Variants in SLTM observed in about 807,000 individuals in gnomAD.
SLTM encodes the protein SAFB-like transcription modulator.
SLTM carries 43 observed loss-of-function variants against 134.6 expected under a neutral mutation model. The observed-to-expected ratio is 0.32, with a 90% CI of 0.25 to 0.41. The LOEUF (loss-of-function observed/expected upper bound fraction) is 0.41. SLTM is among the 10% of genes least tolerant of loss of function. The pLI, the probability that SLTM is intolerant of heterozygous loss-of-function variation, is 1.00. For missense variants in SLTM, 1,055 were observed against 1,288.8 expected, an observed-to-expected ratio of 0.82 and a Z score of 2.78; for synonymous variants, 424 against 432.3, an observed-to-expected ratio of 0.98 and a Z score of 0.24.
intron 1 of SLTM, 72 bp downstream of exon 1, chr15:58,933,332 G>C: frequency 6.8e-7 from 1 of 1,466,172 alleles, no homozygotes; most frequent in Non-Finnish European, 9.1e-7. Context: ...CGGAGGCTGC[G>C]GCGGAAGCGG....
chr15:58,920,595 C>A (rs2036960667), intron 2 of SLTM, among the ~76,000 whole-genome samples: 1 of 150,046 alleles, frequency 6.7e-6, no homozygotes, highest in Non-Finnish European at 1.5e-5. Context: ...AGCACTCCAG[C>A]CTGGGCAATG....
chr15:58,894,703 ATGTTTTTTTTTTTTTTTTTGAG>A, intron 9 of SLTM, 121 bp from the exon 10 acceptor site: 1 of 678,760 alleles, frequency 1.5e-6, no homozygotes, highest in African/African-American at 2.0e-5. Flanking sequence ...ATTCTGTCTC[ATGTTTTTTTTTTTTTTTTTGAG>A]ATGGAGTCAC....
chr15:58,924,823 A>C (rs2037345668), intron 2 of SLTM, among the ~76,000 whole-genome samples: 1 of 152,110 alleles, frequency 6.6e-6, no homozygotes, highest in African/African-American at 2.4e-5. Flanking sequence ...CCACTTAATA[A>C]TTAGTTTCTT....
intron 19 of SLTM, among the ~76,000 whole-genome samples, chr15:58,885,566 G>A (rs1299174121): frequency 1.3e-5 from 2 of 152,024 alleles, no homozygotes; most frequent in Non-Finnish European, 2.9e-5. Context: ...AGACAGAGGT[G>A]GATGGTCGGA....
chr15:58,918,736 T>C (rs11071401), intron 2 of SLTM, among the ~76,000 whole-genome samples: 30,979 of 152,116 alleles, frequency 0.2, 3,483 homozygotes, highest in South Asian at 0.43. Flanking sequence ...AATTTTATAA[T>C]TACTGTCATC....
chr15:58,912,973 T>C (rs1331051447), intron 4 of SLTM, among the ~76,000 whole-genome samples: 8 of 152,214 alleles, frequency 5.3e-5, no homozygotes, highest in Non-Finnish European at 1.2e-4. Context: ...TTTGAAATAT[T>C]ATCTGCTTTA....
chr15:58,919,279 T>A (rs1190702477), intron 2 of SLTM, among the ~76,000 whole-genome samples: 1 of 152,162 alleles, frequency 6.6e-6, no homozygotes, highest in Non-Finnish European at 1.5e-5. Flanking sequence ...GGCTACTTTT[T>A]GGGAGAAAAA....
chr15:58,928,190 T>C (rs1330971030), intron 2 of SLTM, among the ~76,000 whole-genome samples: 3 of 152,228 alleles, frequency 2.0e-5, no homozygotes, highest in African/African-American at 7.2e-5. Context: ...TCACTTTTGC[T>C]GAAGTTAATT....
chr15:58,904,715 T>C (rs1405022538), intron 5 of SLTM, among the ~76,000 whole-genome samples: 2 of 151,608 alleles, frequency 1.3e-5, no homozygotes, highest in African/African-American at 2.4e-5. Flanking sequence ...TTGTCTGTTT[T>C]GTTTCGTTTT....
intron 2 of SLTM, among the ~76,000 whole-genome samples, chr15:58,926,733 G>A (rs2037497877): frequency 6.6e-6 from 1 of 151,530 alleles, no homozygotes; most frequent in African/African-American, 2.4e-5. Context: ...TCCTGCCTGA[G>A]CCTCCAGAGT....
Position 58,887,500 on chromosome 15 carries a change from G to A in SLTM, c.2416C>T (p.Arg806Ter). 1 of 1,613,290 alleles carries A rather than the reference G, an allele frequency of 6.2e-7. No homozygotes were observed. The highest frequency in any genetic ancestry group is 8.5e-7 in the Non-Finnish European group (1 of 1,179,732). Residue 806 changes from arginine (R) to a stop codon, truncating the protein, a stop_gained, in exon 18 of 21, where the codon CGA becomes TGA. Transcript: ENST00000380516. LOFTEE classifies it high-confidence loss of function. ...FVGQSEGKKA[R>*]PTARREDPSF... The stretch of plus-strand genomic sequence containing the variant: ...GGATCTTCCCTTCGTGCAGTAGGTC[G>A]TGCTTTTTTCCCCTCACTTTGACCA...
intron 19 of SLTM, 149 bp downstream of exon 19, chr15:58,886,826 T>A: frequency 1.0e-6 from 1 of 972,202 alleles, no homozygotes; most frequent in East Asian, 2.7e-5. Context: ...ATTCAGATTT[T>A]AAAAATTTAA....
rs1483548575 is a variant in SLTM, at chr15:58,933,401, C to G, written c.162+3G>C. ...GTCCTTTCCGGTCCTCGCCGGGCCTCACCTGCTTGAGTCGGGAGATGAGCA... is the reference window on the plus strand; with the variant it reads ...GTCCTTTCCGGTCCTCGCCGGGCCTGACCTGCTTGAGTCGGGAGATGAGCA... On this transcript the variant is annotated splice_donor_region_variant and intron_variant, in intron 1 of 20. Coordinates refer to ENST00000380516, the MANE Select transcript of SLTM (RefSeq NM_024755.4). 4.4e-6 allele frequency: 7 copies of G among 1,577,726 alleles called. No homozygotes were observed. The highest frequency in any genetic ancestry group is 6.0e-6 in the Non-Finnish European group (7 of 1,162,220).
At chr15:58,883,349 ATT>A (rs754105444) in intron 20 of SLTM, 18 of 318,692 alleles carry the variant, frequency 5.6e-5, no homozygotes, top group Non-Finnish European at 8.3e-5. Flanking sequence ...AAAAGAATTC[ATT>A]GTTTACTGGA....
At chr15:58,917,966 C>A (rs557257919) in intron 2 of SLTM, among the ~76,000 whole-genome samples, 1 of 152,026 alleles carries the variant, frequency 6.6e-6, no homozygotes, top group East Asian at 1.9e-4. Flanking sequence ...GTTGGCCAGG[C>A]TGGTTTCGAA....
intron 2 of SLTM, among the ~76,000 whole-genome samples, chr15:58,929,033 CCA>C (rs1374877157): frequency 1.3e-5 from 2 of 152,122 alleles, no homozygotes; most frequent in African/African-American, 4.8e-5. Context: ...AGTAAAATTT[CCA>C]GTTTTACAAA....
chr15:58,883,898 G>A, intron 19 of SLTM, 112 bp from the exon 20 acceptor site: 1 of 1,171,124 alleles, frequency 8.5e-7, no homozygotes, highest in Non-Finnish European at 1.2e-6. Context: ...AGGAGTTCGA[G>A]ACCAGCCTGG....
Position 58,899,535 on chromosome 15 carries a change from C to T in SLTM, c.992G>A (p.Gly331Glu). 6.2e-7 allele frequency: 1 copy of T among 1,614,118 alleles called. No individual in the cohort carries two copies. The highest frequency in any genetic ancestry group is 8.5e-7 in the Non-Finnish European group (1 of 1,179,974). ...ARESSKKAES[G>E]DKEKDTLKKG... The stretch of plus-strand genomic sequence containing the variant: ...CTTCAAAGTATCCTTTTCTTTGTCT[C>T]CAGATTCTGCTTTCTTAGAACTTTC... Residue 331 changes from glycine to glutamate, a missense_variant, in exon 7 of 21, where the codon GGA (glycine) becomes GAA (glutamate). Transcript: ENST00000380516. This position sits in a 1 kb window ranked among gnomAD's most constrained non-coding sequence, Gnocchi z 5.0.
At chr15:58,887,157 T>C in intron 18 of SLTM, 38 bp from the exon 19 acceptor site, 18 of 1,612,862 alleles carry the variant, frequency 1.1e-5, no homozygotes, top group Non-Finnish European at 1.2e-5. Flanking sequence ...TGATCAAAAC[T>C]GTAATCTTAA....
Sources: allele counts gnomAD v4.1 joint callset (sites outside exome capture counted in the v4.1 genomes callset), GRCh38; gene constraint gnomAD v4.1.1; non-coding constraint Gnocchi (gnomAD v3.1); transcripts MANE v1.5; gene names NCBI Gene and HGNC (gene_info 2026-07-23, HGNC 2026-07-21).